FAM227B: variants seen among roughly 807,000 people sequenced by gnomAD.
FAM227B encodes the protein family with sequence similarity 227 member B.
A neutral mutation model predicts 73.8 loss-of-function variants in FAM227B; 88 were observed. The observed-to-expected ratio is 1.19, with a 90% CI of 1.00 to 1.42. The LOEUF (loss-of-function observed/expected upper bound fraction) is 1.42. Ranked by LOEUF, FAM227B falls within the 40% of genes most tolerant of loss-of-function variation. FAM227B has a pLI of 0.00. For missense variants in FAM227B, 632 were observed against 590.9 expected (o/e 1.07, Z -0.72); for synonymous variants, 210 against 190.5 (o/e 1.10, Z -0.84).
chr15:49,407,335 C>G (rs1286796771), intron 11 of FAM227B, among the ~76,000 whole-genome samples: 1 of 152,142 alleles, frequency 6.6e-6, no homozygotes, highest in Non-Finnish European at 1.5e-5. Context: ...TCGCTGGGAA[C>G]CAGGAATAAG....
At chr15:49,586,498 A>T (rs1025673687) in intron 5 of FAM227B, among the ~76,000 whole-genome samples, 4 of 152,198 alleles carry the variant, frequency 2.6e-5, no homozygotes, top group African/African-American at 9.6e-5. Flanking sequence ...TCATGACAAA[A>T]ATGGCAAATG....
intron 11 of FAM227B, among the ~76,000 whole-genome samples, chr15:49,445,674 AAAAT>A (rs1197401491): frequency 2.6e-5 from 4 of 151,640 alleles, no homozygotes; most frequent in Non-Finnish European, 4.4e-5. Flanking sequence ...TTGAAAGAAA[AAAAT>A]AAAATATAGA....
chr15:49,608,576 T>C (rs1054035826), intron 3 of FAM227B, among the ~76,000 whole-genome samples: 1 of 152,006 alleles, frequency 6.6e-6, no homozygotes, highest in African/African-American at 2.4e-5. Flanking sequence ...TATTAAGCTT[T>C]GATATAAGGA....
chr15:49,446,622 G>GA (rs34550202), intron 11 of FAM227B, among the ~76,000 whole-genome samples: 2 of 151,320 alleles, frequency 1.3e-5, no homozygotes, highest in African/African-American at 4.8e-5. Flanking sequence ...AACAAAATGT[G>GA]AAAAAAAGGT....
intron 11 of FAM227B, among the ~76,000 whole-genome samples, chr15:49,428,824 G>A (rs1221082519): frequency 6.6e-6 from 1 of 152,000 alleles, no homozygotes; most frequent in Admixed American, 6.6e-5. Flanking sequence ...AGCAAGAAAA[G>A]GGTTAGCCAT....
At chr15:49,342,636 T>C (rs1053476890) in intron 13 of FAM227B, among the ~76,000 whole-genome samples, 3 of 152,180 alleles carry the variant, frequency 2.0e-5, no homozygotes, top group Non-Finnish European at 2.9e-5. Flanking sequence ...TGTGGCTATA[T>C]ATTCAAGGGT....
chr15:49,396,147 T>C (rs543913219), intron 11 of FAM227B: 186 of 362,484 alleles, frequency 5.1e-4, no homozygotes, highest in Middle Eastern at 9.2e-4. Flanking sequence ...GCTCACCGTG[T>C]GCGAGCCGAA....
chr15:49,606,410 T>A (rs1402446753), intron 3 of FAM227B, among the ~76,000 whole-genome samples: 2 of 152,210 alleles, frequency 1.3e-5, no homozygotes, highest in Admixed American at 6.5e-5. Context: ...GCTACCATTA[T>A]CTTTAATATA....
intron 3 of FAM227B, among the ~76,000 whole-genome samples, chr15:49,591,029 G>GAT (rs2076501933): frequency 9.5e-6 from 1 of 105,608 alleles, no homozygotes; most frequent in East Asian, 2.8e-4. Flanking sequence ...TCTTTTTTTT[G>GAT]TTTTTTTTTT....
At chr15:49,502,235 G>T (rs1444250126) in intron 11 of FAM227B, among the ~76,000 whole-genome samples, 1 of 152,228 alleles carries the variant, frequency 6.6e-6, no homozygotes, top group Non-Finnish European at 1.5e-5. Flanking sequence ...GGGGGCCACT[G>T]CCCTCCAGAC....
intron 9 of FAM227B, among the ~76,000 whole-genome samples, chr15:49,542,594 G>GT (rs1319280063): frequency 4.0e-5 from 6 of 151,658 alleles, no homozygotes; most frequent in African/African-American, 1.5e-4. Context: ...ATGATGTTTG[G>GT]TTTTCCATTC....
chr15:49,366,798 C>T (rs2045290698), intron 13 of FAM227B: 5 of 571,410 alleles, frequency 8.8e-6, no homozygotes, highest in East Asian at 3.2e-5. Context: ...AGGCTGGGAT[C>T]GCCGCTGCTG....
intron 10 of FAM227B, 62 bp from the exon 11 acceptor site, chr15:49,508,410 TG>T: frequency 7.2e-7 from 1 of 1,388,206 alleles, no homozygotes; most frequent in Non-Finnish European, 9.7e-7. Context: ...CCTTTTAATT[TG>T]TCAAAGCATT....
intron 10 of FAM227B, among the ~76,000 whole-genome samples, chr15:49,519,361 CGTGGGGACTCTAT>C (rs1258396287): frequency 6.6e-6 from 1 of 151,794 alleles, no homozygotes; most frequent in Non-Finnish European, 1.5e-5. Flanking sequence ...GCAGTACCCC[CGTGGGGACTCTAT>C]GTGGGGACTC....
chr15:49,534,241 C>T (rs2060838126), intron 10 of FAM227B, among the ~76,000 whole-genome samples: 1 of 151,742 alleles, frequency 6.6e-6, no homozygotes, highest in Non-Finnish European at 1.5e-5. Context: ...CAGACACCTC[C>T]CAATAAACTC....
At chr15:49,552,174 G>A (rs1021052313) in intron 9 of FAM227B, among the ~76,000 whole-genome samples, 3 of 152,102 alleles carry the variant, frequency 2.0e-5, no homozygotes, top group African/African-American at 4.8e-5. Context: ...GGATAGGTCC[G>A]GTATTGCTGA....
At chr15:49,421,841 A>C (rs2049655277) in intron 11 of FAM227B, among the ~76,000 whole-genome samples, 1 of 152,152 alleles carries the variant, frequency 6.6e-6, no homozygotes, top group Non-Finnish European at 1.5e-5. Context: ...TCCTCCTTTT[A>C]GAGAATACAT....
intron 11 of FAM227B, among the ~76,000 whole-genome samples, chr15:49,389,136 T>C: frequency 6.6e-6 from 1 of 152,012 alleles, no homozygotes. Context: ...GCAATCCCAC[T>C]GTGGGGTATC....
chr15:49,461,515 C>T (rs1417191127), intron 11 of FAM227B, among the ~76,000 whole-genome samples: 1 of 152,306 alleles, frequency 6.6e-6, no homozygotes, highest in Admixed American at 6.5e-5. Context: ...ATGCTCTATA[C>T]TTCTCCTACT....
Sources: gnomAD v4.1 joint callset for allele counts (sites outside exome capture counted in the v4.1 genomes callset) on GRCh38, gnomAD v4.1.1 for gene constraint, MANE v1.5 for transcripts, NCBI Gene and HGNC (gene_info 2026-07-23, HGNC 2026-07-21) for gene names.